The following ATG5 variants were observed in gnomAD, a reference collection of about 807,000 sequenced individuals.
The protein encoded by ATG5 is autophagy related 5.
A neutral mutation model predicts 36.5 loss-of-function variants in ATG5; 14 were observed. The observed-to-expected ratio is 0.38, with a 90% CI of 0.25 to 0.60. The LOEUF is 0.60. ATG5 is among the 20% of genes least tolerant of loss of function. The pLI is 0.60. For missense variants in ATG5, 195 were observed against 326.7 expected (o/e 0.60, Z 3.11); for synonymous variants, 95 against 101.5 (o/e 0.94, Z 0.38).
chr6:106,313,966 A>C (rs1185242274), intron 2 of ATG5, among the ~76,000 whole-genome samples: 1 of 152,220 alleles, frequency 6.6e-6, no homozygotes, highest in Non-Finnish European at 1.5e-5. Flanking sequence ...TATGCCAGTC[A>C]CCCAACAGTC....
intron 6 of ATG5, among the ~76,000 whole-genome samples, chr6:106,213,808 T>C (rs1205981524): frequency 6.6e-6 from 1 of 152,162 alleles, no homozygotes; most frequent in Admixed American, 6.5e-5. Context: ...CTTTGAACAA[T>C]TGATGTGATA....
At chr6:106,190,734 A>G (rs968424929) in intron 7 of ATG5, among the ~76,000 whole-genome samples, 1 of 152,136 alleles carries the variant, frequency 6.6e-6, no homozygotes, top group Admixed American at 6.6e-5. Flanking sequence ...GGTAAGAATT[A>G]CATATAGAAA....
chr6:106,224,867 G>C (rs1043873826), intron 6 of ATG5, among the ~76,000 whole-genome samples: 1 of 152,138 alleles, frequency 6.6e-6, no homozygotes, highest in African/African-American at 2.4e-5. Flanking sequence ...GGCAAAAAGA[G>C]CGAAACTCTT....
intron 7 of ATG5, among the ~76,000 whole-genome samples, chr6:106,201,461 C>G (rs1776427307): frequency 1.3e-5 from 2 of 152,018 alleles, no homozygotes; most frequent in Admixed American, 1.3e-4. Flanking sequence ...ACCTAAGTTA[C>G]AAAATTAGCG....
chr6:106,243,773 G>A lies in ATG5; in HGVS notation c.573+4377C>T, dbSNP rs144273987. On this transcript the variant is annotated intron_variant, in intron 6 of 7. Transcript: ENST00000369076. ...CTGAACCCAAGAGGCGGAGGTTTCA[G>A]TGAGCCGAGATTGCACTAGTGCACT... Among the ~76,000 whole-genome samples the A allele has an allele frequency of 3.3e-3, 508 of 152,036 alleles. 4 individuals are homozygous for A. The highest frequency in any genetic ancestry group is 6.8e-3 in the Middle Eastern group (2 of 294).
At chr6:106,316,732 A>G (rs545117816) in intron 1 of ATG5, among the ~76,000 whole-genome samples, 2 of 152,280 alleles carry the variant, frequency 1.3e-5, no homozygotes, top group East Asian at 3.9e-4. Context: ...CTACTCTCCC[A>G]TCTTAGAAAA....
At chr6:106,268,145 T>C (rs1322676603) in intron 5 of ATG5, among the ~76,000 whole-genome samples, 1 of 151,832 alleles carries the variant, frequency 6.6e-6, no homozygotes, top group Non-Finnish European at 1.5e-5. Flanking sequence ...CAGACAAAGG[T>C]CTAATATCTA....
At chr6:106,243,878 TAAAAC>T (rs1778226157) in intron 6 of ATG5, among the ~76,000 whole-genome samples, 1 of 125,190 alleles carries the variant, frequency 8.0e-6, no homozygotes, top group Non-Finnish European at 1.7e-5. Context: ...TATATAAAAA[TAAAAC>T]AAAGATAAGT....
rs1282687760 is a variant in ATG5, at chr6:106,214,489, A to C, written c.574-12400T>G. ...AATAATTAACATTTGAAAAGCTGTC[A>C]TTATTATAGTCAGGGACACTTAATC... On this transcript the variant is annotated intron_variant, in intron 6 of 7. Transcript: ENST00000369076. 2.6e-5 allele frequency among the ~76,000 whole-genome samples: 4 copies of C among 152,212 alleles called. No homozygotes were observed. In the South Asian group the frequency reaches 8.3e-4, roughly 31 times the overall value.
intron 6 of ATG5, among the ~76,000 whole-genome samples, chr6:106,213,668 G>A (rs191712322): frequency 6.6e-6 from 1 of 152,274 alleles, no homozygotes; most frequent in African/African-American, 2.4e-5. Flanking sequence ...AGCTTGGAAT[G>A]TCAAATGTAG....
At chr6:106,311,957 G>A (rs2763215) in intron 2 of ATG5, among the ~76,000 whole-genome samples, 17,764 of 151,714 alleles carry the variant, frequency 0.12, 1,136 homozygotes, top group African/African-American at 0.17. Context: ...CAGTCTCCCA[G>A]GTAGCTGGGA....
intron 6 of ATG5, among the ~76,000 whole-genome samples, chr6:106,215,976 A>G (rs529227852): frequency 6.6e-6 from 1 of 152,346 alleles, no homozygotes; most frequent in East Asian, 1.9e-4. Context: ...AGAAATACGA[A>G]TGGCTAGTTA....
At chr6:106,255,837 C>T (rs1386936883) in intron 5 of ATG5, among the ~76,000 whole-genome samples, 1 of 152,186 alleles carries the variant, frequency 6.6e-6, no homozygotes, top group Non-Finnish European at 1.5e-5. Flanking sequence ...TACAGAGCTA[C>T]AGCACAGTGG....
chr6:106,305,058 T>A (rs1030379896), intron 3 of ATG5, among the ~76,000 whole-genome samples: 7 of 145,396 alleles, frequency 4.8e-5, no homozygotes, highest in Non-Finnish European at 8.9e-5. Context: ...GCCATTGCAC[T>A]CCAGCCTGGG....
intron 4 of ATG5, among the ~76,000 whole-genome samples, chr6:106,287,677 G>A (rs1350098724): frequency 6.6e-6 from 1 of 152,090 alleles, no homozygotes; most frequent in East Asian, 1.9e-4. Context: ...ACAGAACTGG[G>A]CATTTTAAAG....
At chr6:106,291,162 T>C (rs1367956510) in intron 4 of ATG5, among the ~76,000 whole-genome samples, 2 of 152,224 alleles carry the variant, frequency 1.3e-5, no homozygotes, top group Admixed American at 6.5e-5. Context: ...ACAACCATAT[T>C]TGGCATGCAA....
chr6:106,245,398 T>TTA (rs1459313262), intron 6 of ATG5, among the ~76,000 whole-genome samples: 1 of 152,144 alleles, frequency 6.6e-6, no homozygotes, highest in African/African-American at 2.4e-5. Context: ...GTTCTGAAAA[T>TTA]TCTACAAACT....
intron 7 of ATG5, among the ~76,000 whole-genome samples, chr6:106,194,085 T>C (rs1194620880): frequency 6.6e-6 from 1 of 152,160 alleles, no homozygotes; most frequent in Non-Finnish European, 1.5e-5. Flanking sequence ...AGAATGAAAA[T>C]AATCAGCATT....
At chr6:106,260,029 G>A (rs931906991) in intron 5 of ATG5, among the ~76,000 whole-genome samples, 1 of 152,130 alleles carries the variant, frequency 6.6e-6, no homozygotes, top group Non-Finnish European at 1.5e-5. Context: ...GACACTGCAT[G>A]TTCTCACTCA....
Sources: allele counts gnomAD v4.1 joint callset (sites outside exome capture counted in the v4.1 genomes callset), GRCh38; gene constraint gnomAD v4.1.1; transcripts MANE v1.5; gene names NCBI Gene and HGNC (gene_info 2026-07-23, HGNC 2026-07-21).